TTC7B: variants seen among roughly 807,000 people sequenced by gnomAD.
The protein encoded by TTC7B is tetratricopeptide repeat domain 7B, also known as tetratricopeptide repeat protein 7B.
TTC7B carries 28 observed loss-of-function variants against 106.8 expected under a neutral mutation model. The observed-to-expected ratio is 0.26, with a 90% CI of 0.19 to 0.36. The LOEUF is 0.36. Among genes scored for constraint, TTC7B ranks in the 10% least tolerant of loss-of-function variants. TTC7B has a pLI of 1.00. For missense variants in TTC7B, 862 were observed against 1,076.4 expected (o/e 0.80, Z 2.79); for synonymous variants, 405 against 430.6 (o/e 0.94, Z 0.74).
intron 5 of TTC7B, among the ~76,000 whole-genome samples, chr14:90,720,839 C>T (rs1888867604): frequency 1.3e-5 from 2 of 152,154 alleles, no homozygotes; most frequent in Non-Finnish European, 2.9e-5. Context: ...CTTGTTTTTT[C>T]TTCTCCTGCT....
At chr14:90,614,264 A>C (rs1892980285) in intron 16 of TTC7B, among the ~76,000 whole-genome samples, 2 of 152,194 alleles carry the variant, frequency 1.3e-5, no homozygotes, top group Non-Finnish European at 2.9e-5. Flanking sequence ...ACCTTGGCCC[A>C]TTTTATGGAG....
chr14:90,643,948 G>A, intron 15 of TTC7B, 100 bp downstream of exon 15: 2 of 1,359,238 alleles, frequency 1.5e-6, no homozygotes, highest in Non-Finnish European at 2.1e-6. Flanking sequence ...TGACTGCCAG[G>A]GTGTCCATGA....
intron 9 of TTC7B, among the ~76,000 whole-genome samples, chr14:90,664,740 A>T (rs1886344456): frequency 6.6e-6 from 1 of 152,200 alleles, no homozygotes; most frequent in Non-Finnish European, 1.5e-5. Context: ...TGGTAAAGGC[A>T]CTGGTTCTGG....
rs1037512978 is a variant in TTC7B at position 90,738,607 on chromosome 14, C to CA, written c.576+6184dup. 5.9e-3 allele frequency among the ~76,000 whole-genome samples: 740 copies of CA among 126,172 alleles called. 8 individuals are homozygous for CA. The highest frequency in any genetic ancestry group is 0.019 in the African/African-American group (632 of 33,756). 82.8% of individuals were successfully genotyped at this position (126,172 alleles called of 152,430 possible). On this transcript the variant is annotated intron_variant, in intron 4 of 19. Transcript: ENST00000328459. ...GGGAGACAAGAGCAAAACTCTGGCT[C>CA]AAAAAAAAAAAAGAGGTTAGTATAA...
chr14:90,703,599 A>G (rs892229596), intron 5 of TTC7B, among the ~76,000 whole-genome samples: 7 of 152,204 alleles, frequency 4.6e-5, no homozygotes, highest in Non-Finnish European at 1.0e-4. Flanking sequence ...AAAAAAAAAG[A>G]CCATTACATG....
Position 90,541,181 on chromosome 14 carries a change from A to G in TTC7B, c.*187T>C, listed in dbSNP as rs1306545359. 4 of 496,250 alleles carry G rather than the reference A, an allele frequency of 8.1e-6. No individual in the cohort carries two copies. Among genetic ancestry groups the G allele is most frequent in the African/African-American group, 7.6e-5 (4 of 52,466 alleles). 30.7% of individuals were successfully genotyped at this position (496,250 alleles called of 1,614,324 possible). On this transcript the variant is annotated 3_prime_UTR_variant, in exon 20 of 20. Coordinates refer to ENST00000328459, the MANE Select transcript of TTC7B (RefSeq NM_001010854.2). ...GAAACTACCATTGGGCTGGCAAAAAAAACAAGAGAAACGCACATGGCGAGA... is the reference window on the plus strand; with the variant it reads ...GAAACTACCATTGGGCTGGCAAAAAGAACAAGAGAAACGCACATGGCGAGA...
intron 4 of TTC7B, among the ~76,000 whole-genome samples, chr14:90,736,893 TAAAAAA>T (rs58051350): frequency 2.2e-5 from 2 of 91,908 alleles, no homozygotes; most frequent in East Asian, 3.0e-4. Flanking sequence ...CCATGTCTCT[TAAAAAA>T]AAAAAAAAAA....
chr14:90,726,142 C>T (rs924611705), intron 5 of TTC7B, among the ~76,000 whole-genome samples: 1 of 152,168 alleles, frequency 6.6e-6, no homozygotes, highest in South Asian at 2.1e-4. Context: ...ATTGACATGC[C>T]CAAATCAAGC....
chr14:90,803,710 C>T (rs1253489353), intron 1 of TTC7B, among the ~76,000 whole-genome samples: 1 of 152,088 alleles, frequency 6.6e-6, no homozygotes, highest in Non-Finnish European at 1.5e-5. Flanking sequence ...CCCACATCTA[C>T]ACACACAGCG....
At chr14:90,763,181 A>G (rs1443868480) in intron 3 of TTC7B, among the ~76,000 whole-genome samples, 1 of 152,238 alleles carries the variant, frequency 6.6e-6, no homozygotes, top group African/African-American at 2.4e-5. Flanking sequence ...AAAAAATCAT[A>G]TACCATGACC....
intron 1 of TTC7B, among the ~76,000 whole-genome samples, chr14:90,811,635 A>G (rs2030905105): frequency 6.6e-6 from 1 of 152,118 alleles, no homozygotes; most frequent in Non-Finnish European, 1.5e-5. Flanking sequence ...GCCTGAAAAC[A>G]TTTGCTTACC....
At position 90,720,630 on chromosome 14, in the gene TTC7B, A is replaced by G. The variant is rs1007925817; in HGVS notation, c.698+9445T>C. On this transcript the variant is annotated intron_variant, in intron 5 of 19. Transcript: ENST00000328459. ...AAATACTGCCGTCTGATAAGGTCTT[A>G]TATCAGCAATTCCCAGGGCATGAAT... Among the ~76,000 whole-genome samples the G allele has an allele frequency of 4.6e-5, 7 of 152,338 alleles. No homozygotes were observed. In the South Asian group the frequency reaches 1.2e-3, roughly 27 times the overall value.
At chr14:90,744,999 G>GT in intron 3 of TTC7B, 77 bp from the exon 4 acceptor site, 1 of 1,398,392 alleles carries the variant, frequency 7.2e-7, no homozygotes, top group Non-Finnish European at 1.0e-6. Context: ...GCTCTAGAGG[G>GT]CCAGAAGATG....
intron 18 of TTC7B, among the ~76,000 whole-genome samples, chr14:90,587,061 A>G (rs1200707174): frequency 6.6e-6 from 1 of 152,002 alleles, no homozygotes; most frequent in Non-Finnish European, 1.5e-5. Context: ...GCTGTCCTCT[A>G]CCACCTGGAC....
intron 1 of TTC7B, among the ~76,000 whole-genome samples, chr14:90,813,112 A>G (rs1176441908): frequency 2.0e-5 from 3 of 152,140 alleles, no homozygotes; most frequent in African/African-American, 7.2e-5. Context: ...CCCTCCCTAG[A>G]ACATGCTTCT....
At chr14:90,542,147 G>A (rs1889625932) in intron 19 of TTC7B, among the ~76,000 whole-genome samples, 1 of 152,172 alleles carries the variant, frequency 6.6e-6, no homozygotes, top group Admixed American at 6.5e-5. Context: ...CACCATGTTA[G>A]CCAGGATGGT....
At chr14:90,544,767 T>A (rs1397163469) in intron 19 of TTC7B, among the ~76,000 whole-genome samples, 1 of 152,100 alleles carries the variant, frequency 6.6e-6, no homozygotes, top group Non-Finnish European at 1.5e-5. Context: ...CAGGAGCTCG[T>A]CACACGCCTT....
At chr14:90,609,187 C>A (rs1466389810) in intron 17 of TTC7B, among the ~76,000 whole-genome samples, 2 of 152,192 alleles carry the variant, frequency 1.3e-5, no homozygotes, top group African/African-American at 2.4e-5. Flanking sequence ...TCTAAGCCCA[C>A]CAATGACTGC....
chr14:90,696,969 T>G lies in TTC7B; in HGVS notation c.699-1391A>C, dbSNP rs550928414. On this transcript the variant is annotated intron_variant, in intron 5 of 19. Transcript: ENST00000328459. Reference sequence around the variant, plus strand: ...ACATTTGCTTTGGACTGAAGCTCAGTTCTCTTAAGTAACACGGCGGGAAGG... The same window carrying G: ...ACATTTGCTTTGGACTGAAGCTCAGGTCTCTTAAGTAACACGGCGGGAAGG... 7.2e-5 allele frequency among the ~76,000 whole-genome samples: 11 copies of G among 152,340 alleles called. No individual in the cohort carries two copies. In the South Asian group the frequency reaches 2.1e-3, roughly 29 times the overall value.
Sources: gnomAD v4.1 joint callset for allele counts (sites outside exome capture counted in the v4.1 genomes callset) on GRCh38, gnomAD v4.1.1 for gene constraint, MANE v1.5 for transcripts, NCBI Gene and HGNC (gene_info 2026-07-23, HGNC 2026-07-21) for gene names.